Variants in ROBO1 observed in about 807,000 individuals in gnomAD.
The protein encoded by ROBO1 is roundabout guidance receptor 1.
In ROBO1, 149 loss-of-function variants were observed where a neutral mutation model predicts 195.9. That is an observed-to-expected ratio of 0.76 (90% CI 0.67 to 0.87). ROBO1 has a LOEUF of 0.87. Ranked by LOEUF, ROBO1 falls within the 40% of genes least tolerant of loss-of-function variation. ROBO1 has a pLI of 0.00. For missense variants in ROBO1, 1,933 were observed against 2,068.3 expected (o/e 0.93, Z 1.27); for synonymous variants, 816 against 733.2 (o/e 1.11, Z -1.82).
intron 3 of ROBO1, among the ~76,000 whole-genome samples, chr3:78,958,951 G>GTGTACAC (rs1305721501): frequency 6.6e-6 from 1 of 151,488 alleles, no homozygotes; most frequent in African/African-American, 2.4e-5. Flanking sequence ...GGGACCACAG[G>GTGTACAC]TGTACACTGC....
In ROBO1 at chr3:78,703,721, C is replaced by T. The variant is rs187143224; in HGVS notation, c.1045+10676G>A. ...TATTAAGAGTATCCATACATACAAG[C>T]AGTGGTAAATATATATTACATTGAA... On this transcript the variant is annotated intron_variant, in intron 8 of 30. Transcript: ENST00000464233. Among the ~76,000 whole-genome samples, 21 of 151,940 alleles carry T rather than the reference C, an allele frequency of 1.4e-4. No individual in the cohort carries two copies. In the East Asian group the frequency reaches 3.9e-3, roughly 28 times the overall value.
chr3:78,670,005 T>G, intron 11 of ROBO1, 91 bp downstream of exon 11: 1 of 932,494 alleles, frequency 1.1e-6, no homozygotes, highest in Middle Eastern at 2.2e-4. Context: ...AACACTTCAT[T>G]AATTGCAAAG....
At chr3:79,160,943 C>T (rs1221701532) in intron 2 of ROBO1, among the ~76,000 whole-genome samples, 1 of 152,122 alleles carries the variant, frequency 6.6e-6, no homozygotes, top group South Asian at 2.1e-4. Context: ...TGAAAACATA[C>T]ATTAAATATA....
intron 2 of ROBO1, among the ~76,000 whole-genome samples, chr3:79,523,461 C>CTTTTTTTTTCTTTTTTTTTTTTTTT (rs1941296300): frequency 7.4e-6 from 1 of 134,822 alleles, no homozygotes. Flanking sequence ...ATTTTTCTTT[C>CTTTTTTTTTCTTTTTTTTTTTTTTT]TTTTTTTTTT....
At chr3:79,611,815 C>T (rs1198676450) in intron 1 of ROBO1, among the ~76,000 whole-genome samples, 1 of 151,922 alleles carries the variant, frequency 6.6e-6, no homozygotes, top group Non-Finnish European at 1.5e-5. Flanking sequence ...TGCAGCAAAC[C>T]ACCATGGCAC....
At chr3:79,498,228 CTGT>C (rs1371596170) in intron 2 of ROBO1, among the ~76,000 whole-genome samples, 7 of 152,030 alleles carry the variant, frequency 4.6e-5, no homozygotes, top group Admixed American at 2.0e-4. Flanking sequence ...TGTATTATAT[CTGT>C]TATTTTTTAT....
At chr3:79,232,128 A>G (rs2082330823) in intron 2 of ROBO1, among the ~76,000 whole-genome samples, 1 of 151,998 alleles carries the variant, frequency 6.6e-6, no homozygotes. Flanking sequence ...GGGTGATGAA[A>G]TAATCTGTAC....
chr3:79,020,249 A>G (rs1458343401), intron 3 of ROBO1, among the ~76,000 whole-genome samples: 1 of 152,236 alleles, frequency 6.6e-6, no homozygotes, highest in African/African-American at 2.4e-5. Flanking sequence ...TGCCAGTTAT[A>G]GCTCTGTGAC....
chr3:78,633,958 G>T lies in ROBO1; in HGVS notation c.3458C>A (p.Ser1153Ter), dbSNP rs758562546. 6.2e-7 allele frequency: 1 copy of T among 1,611,762 alleles called. No homozygotes were observed. ...DQNTGGSYNSSDRGSSTSGSQ... is the reference protein window; with the variant it reads ...DQNTGGSYNS ...ACCAGATGTACTACTGCCCCGGTCT[G>T]AGCTGTTGTAGGATCCTCCTGTGTT... The change falls in exon 24 of 31, where the codon TCA (serine) becomes TAA (stop). Residue 1153 changes from serine (S) to a stop codon, truncating the protein, a stop_gained. Transcript: ENST00000464233. LOFTEE classifies it high-confidence loss of function.
At chr3:78,841,001 G>A (rs1219712211) in intron 4 of ROBO1, among the ~76,000 whole-genome samples, 6 of 151,408 alleles carry the variant, frequency 4.0e-5, no homozygotes, top group African/African-American at 1.2e-4. Context: ...GGTAGAGCTT[G>A]CAGTGAGCCA....
chr3:79,304,326 C>A (rs1252175865), intron 2 of ROBO1, among the ~76,000 whole-genome samples: 5 of 151,970 alleles, frequency 3.3e-5, no homozygotes, highest in Non-Finnish European at 7.4e-5. Flanking sequence ...GTCAGGAATT[C>A]ACATAAAAAT....
chr3:78,943,839 T>G (rs1028665517), intron 3 of ROBO1, among the ~76,000 whole-genome samples: 2 of 152,224 alleles, frequency 1.3e-5, no homozygotes, highest in Non-Finnish European at 2.9e-5. Flanking sequence ...TTGGAGGTTA[T>G]GACAAAATAC....
At chr3:79,749,244 G>A (rs1704016524) in intron 1 of ROBO1, among the ~76,000 whole-genome samples, 1 of 152,154 alleles carries the variant, frequency 6.6e-6, no homozygotes, top group South Asian at 2.1e-4. Flanking sequence ...GAACTTGAGA[G>A]AGATGATTTA....
chr3:79,732,785 A>T (rs528158182), intron 1 of ROBO1, among the ~76,000 whole-genome samples: 6 of 152,300 alleles, frequency 3.9e-5, no homozygotes, highest in Non-Finnish European at 5.9e-5. Context: ...CATCACTTAC[A>T]AGATGATGTT....
At chr3:79,589,455 T>C (rs1431517144) in intron 2 of ROBO1, among the ~76,000 whole-genome samples, 1 of 151,752 alleles carries the variant, frequency 6.6e-6, no homozygotes, top group Non-Finnish European at 1.5e-5. Flanking sequence ...CTGATGTTCC[T>C]TTTCTATGGT....
At chr3:79,633,284 C>T (rs1479173030) in intron 1 of ROBO1, among the ~76,000 whole-genome samples, 2 of 151,198 alleles carry the variant, frequency 1.3e-5, no homozygotes, top group Non-Finnish European at 2.9e-5. Flanking sequence ...GGCGATCCTC[C>T]CACATTTACC....
chr3:79,073,720 T>G (rs1372004052), intron 3 of ROBO1, among the ~76,000 whole-genome samples: 1 of 151,818 alleles, frequency 6.6e-6, no homozygotes, highest in Non-Finnish European at 1.5e-5. Flanking sequence ...AAAAGAGAGT[T>G]CGCTTTATGC....
At chr3:78,987,311 A>G (rs2077131861) in intron 3 of ROBO1, among the ~76,000 whole-genome samples, 1 of 152,154 alleles carries the variant, frequency 6.6e-6, no homozygotes, top group Admixed American at 6.6e-5. Flanking sequence ...CATTGCCTTT[A>G]CAAAACCACA....
At chr3:78,757,291 A>C (rs2082959227) in intron 4 of ROBO1, among the ~76,000 whole-genome samples, 1 of 152,250 alleles carries the variant, frequency 6.6e-6, no homozygotes, top group Non-Finnish European at 1.5e-5. Flanking sequence ...TCAAGGTTGC[A>C]CGATGAGTGA....
Sources: allele counts gnomAD v4.1 joint callset (sites outside exome capture counted in the v4.1 genomes callset), GRCh38; gene constraint gnomAD v4.1.1; transcripts MANE v1.5; gene names NCBI Gene and HGNC (gene_info 2026-07-23, HGNC 2026-07-21).